PRMT8: variants seen among roughly 807,000 people sequenced by gnomAD.
PRMT8 encodes the protein protein arginine methyltransferase 8, also known as protein arginine N-methyltransferase 8.
In PRMT8, 7 loss-of-function variants were observed where a neutral mutation model predicts 47.1. The ratio of observed to expected loss-of-function variants is 0.15; its 90% CI spans 0.08 to 0.28. The LOEUF (loss-of-function observed/expected upper bound fraction) is 0.28, where lower values mean the gene tolerates loss of function less well. Ranked by LOEUF, PRMT8 falls within the 10% of genes least tolerant of loss-of-function variation. PRMT8 has a pLI of 1.00. For synonymous variants in PRMT8, 188 were observed against 186.5 expected (o/e 1.01, Z -0.07); for missense variants, 237 against 505.4 (o/e 0.47, Z 5.09).
At chr12:3,517,284 C>T (rs1865809551) in intron 1 of PRMT8, among the ~76,000 whole-genome samples, 1 of 152,164 alleles carries the variant, frequency 6.6e-6, no homozygotes, top group Admixed American at 6.5e-5. Flanking sequence ...GGATGGGTGA[C>T]TTTGTTTCTC....
chr12:3,540,509 C>A, intron 1 of PRMT8, 97 bp from the exon 2 acceptor site: 1 of 816,654 alleles, frequency 1.2e-6, no homozygotes, highest in Non-Finnish European at 2.0e-6. Context: ...CTGCTTGAGG[C>A]CGGGCTCAGG....
chr12:3,531,832 C>G (rs1016516348), intron 1 of PRMT8, among the ~76,000 whole-genome samples: 9 of 152,262 alleles, frequency 5.9e-5, no homozygotes, highest in South Asian at 4.1e-4. Flanking sequence ...TTGGGTGCCT[C>G]TCTTCCAGAT....
At chr12:3,525,638 A>C (rs1241951424) in intron 1 of PRMT8, among the ~76,000 whole-genome samples, 1 of 152,178 alleles carries the variant, frequency 6.6e-6, no homozygotes, top group Non-Finnish European at 1.5e-5. Context: ...CTCATGAGTG[A>C]GTTCACACTT....
chr12:3,568,826 T>C lies in PRMT8; in HGVS notation c.602T>C (p.Ile201Thr), dbSNP rs200644936. 6.2e-7 allele frequency: 1 copy of C among 1,614,172 alleles called. No homozygotes were observed. Among genetic ancestry groups the C allele is most frequent in the Non-Finnish European group, 8.5e-7 (1 of 1,180,028 alleles). Residue 201 changes from isoleucine to threonine, a missense_variant, in exon 5 of 10, where the codon ATC (isoleucine) becomes ACC (threonine). Ile to Thr is a moderately conservative substitution (Grantham distance 89, BLOSUM62 -1). Transcript: ENST00000382622. ...LFYESMLNTV[I>T]FARDKWLKPG... ...TATGAGTCCATGCTCAACACGGTGA[T>C]CTTTGCCAGGGACAAGTGGCTGGTA...
chr12:3,515,500 A>T (rs1337282678), intron 1 of PRMT8, among the ~76,000 whole-genome samples: 1 of 152,332 alleles, frequency 6.6e-6, no homozygotes, highest in Admixed American at 6.5e-5. Flanking sequence ...ATGTACCCTA[A>T]AACTTAAAGT....
At chr12:3,531,596 C>A (rs1258869027) in intron 1 of PRMT8, among the ~76,000 whole-genome samples, 2 of 152,168 alleles carry the variant, frequency 1.3e-5, no homozygotes, top group Non-Finnish European at 2.9e-5. Context: ...TGATTTGAAG[C>A]AGACATTGTT....
intron 1 of PRMT8, among the ~76,000 whole-genome samples, chr12:3,511,795 T>A (rs1865718093): frequency 6.6e-6 from 1 of 152,158 alleles, no homozygotes; most frequent in South Asian, 2.1e-4. Context: ...CTGTTCTGAA[T>A]ATGAAAAGAG....
At position 3,447,107 on chromosome 12, in the gene PRMT8, G is replaced by C. The variant is rs1864864089; in HGVS notation, c.48+65665G>C. Among the ~76,000 whole-genome samples the C allele has an allele frequency of 2.6e-5, 4 of 152,148 alleles. No homozygotes were observed. In the South Asian group the frequency reaches 8.3e-4, roughly 32 times the overall value. ...TGATCACTCTGGGCAGCCCTCGTGA[G>C]CCAGAGACAGAACCCGTGCAAAGAC... On this transcript the variant is annotated intron_variant, in intron 1 of 9. Coordinates refer to the PRMT8 transcript ENST00000452611.
intron 1 of PRMT8, among the ~76,000 whole-genome samples, chr12:3,494,184 C>T (rs1865469208): frequency 6.6e-6 from 1 of 152,100 alleles, no homozygotes; most frequent in Non-Finnish European, 1.5e-5. Flanking sequence ...TGTCAAGCAC[C>T]GGCTCTGTAC....
intron 1 of PRMT8, among the ~76,000 whole-genome samples, chr12:3,440,136 C>G (rs1354839972): frequency 6.6e-6 from 1 of 152,172 alleles, no homozygotes; most frequent in Non-Finnish European, 1.5e-5. Context: ...GATATTAGAC[C>G]TTGATAATTG....
At chr12:3,440,435 C>T (rs1864788414) in intron 1 of PRMT8, among the ~76,000 whole-genome samples, 1 of 151,690 alleles carries the variant, frequency 6.6e-6, no homozygotes, top group African/African-American at 2.4e-5. Flanking sequence ...GCACTCCAGC[C>T]TGGGAGACAG....
chr12:3,387,602 T>C (rs1183762462), intron 1 of PRMT8, among the ~76,000 whole-genome samples: 1 of 152,146 alleles, frequency 6.6e-6, no homozygotes, highest in African/African-American at 2.4e-5. Context: ...GAGATCACCA[T>C]CACCAGAATA....
At chr12:3,457,213 G>A (rs750442668) in intron 1 of PRMT8, among the ~76,000 whole-genome samples, 3 of 152,204 alleles carry the variant, frequency 2.0e-5, no homozygotes, top group East Asian at 1.9e-4. Flanking sequence ...AGCTGTGGAA[G>A]GGCAGAGGAA....
intron 1 of PRMT8, among the ~76,000 whole-genome samples, chr12:3,440,044 C>A (rs570461452): frequency 6.6e-6 from 1 of 152,288 alleles, no homozygotes; most frequent in African/African-American, 2.4e-5. Flanking sequence ...CTTCTCTGTG[C>A]GTCATCTTTC....
chr12:3,392,094 A>G (rs1168079434), intron 1 of PRMT8, among the ~76,000 whole-genome samples: 1 of 152,182 alleles, frequency 6.6e-6, no homozygotes, highest in Non-Finnish European at 1.5e-5. Flanking sequence ...GCAGGATGAG[A>G]GGAGGCACAC....
chr12:3,414,436 G>C (rs535830784), intron 1 of PRMT8, among the ~76,000 whole-genome samples: 7 of 152,276 alleles, frequency 4.6e-5, no homozygotes, highest in African/African-American at 1.7e-4. Context: ...TTAGTGGTGG[G>C]AACTGGAGTG....
At position 3,583,047 on chromosome 12, in the gene PRMT8, C is replaced by T; in HGVS notation, c.829-11C>T. 1 of 1,611,718 alleles carries T rather than the reference C, an allele frequency of 6.2e-7. No individual in the cohort carries two copies. The highest frequency in any genetic ancestry group is 8.5e-7 in the Non-Finnish European group (1 of 1,178,932). ...ATAAGTTCCCGGCATTCTCTCTTCT[C>T]TGGGCTGCAGGAGGTGGACATTTAC... On this transcript the variant is annotated splice_polypyrimidine_tract_variant and intron_variant, in intron 7 of 9. Coordinates refer to ENST00000382622, the MANE Select transcript of PRMT8 (RefSeq NM_019854.5). This position sits in a 1 kb window ranked among gnomAD's most constrained non-coding sequence, Gnocchi z 4.7.
Position 3,576,790 on chromosome 12 carries a change from G to A in PRMT8, c.713-81G>A, listed in dbSNP as rs1356910094. The A allele has an allele frequency of 8.3e-6, 9 of 1,080,058 alleles. No homozygotes were observed. The highest frequency in any genetic ancestry group is 3.1e-5 in the African/African-American group (2 of 64,318). 66.9% of individuals were successfully genotyped at this position (1,080,058 alleles called of 1,614,324 possible). On this transcript the variant is annotated intron_variant, in intron 6 of 9. Coordinates refer to ENST00000382622, the MANE Select transcript of PRMT8 (RefSeq NM_019854.5). The surrounding 1 kb of genome is among the most constrained non-coding windows in gnomAD (Gnocchi z 4.0). ...GAGCTGCCACTCAGCCCTCAGGCACGCTGTGCTCTAGGACTCAGGAGGGTT... is the reference window on the plus strand; with the variant it reads ...GAGCTGCCACTCAGCCCTCAGGCACACTGTGCTCTAGGACTCAGGAGGGTT...
At chr12:3,527,930 G>GT (rs1300565955) in intron 1 of PRMT8, among the ~76,000 whole-genome samples, 6 of 152,204 alleles carry the variant, frequency 3.9e-5, no homozygotes, top group African/African-American at 9.6e-5. Flanking sequence ...TAAGTTGACA[G>GT]TTTTTTCTTT....
Sources: gnomAD v4.1 joint callset for allele counts (sites outside exome capture counted in the v4.1 genomes callset) on GRCh38, gnomAD v4.1.1 for gene constraint, Gnocchi (gnomAD v3.1) non-coding constraint, MANE v1.5 for transcripts, NCBI Gene and HGNC (gene_info 2026-07-23, HGNC 2026-07-21) for gene names.